The following HRH1 variants were observed in gnomAD, a reference collection of about 807,000 sequenced individuals.
HRH1 encodes the protein histamine H1 receptor.
Under a neutral mutation model 10.3 loss-of-function variants are expected in HRH1, and 6 were observed. The observed-to-expected ratio is 0.58, with a 90% CI of 0.32 to 1.15. HRH1 has a LOEUF of 1.15. HRH1 is among the 50% of genes most tolerant of loss of function. The probability of loss-of-function intolerance (pLI) is 0.05; values close to 1 mark genes in which losing one functional copy is unlikely to be tolerated. For missense variants in HRH1, 514 were observed against 615.3 expected, an observed-to-expected ratio of 0.84 and a Z score of 1.74; for synonymous variants, 242 against 236.7, an observed-to-expected ratio of 1.02 and a Z score of -0.21.
At chr3:11,190,073 A>C (rs1937512869) in intron 1 of HRH1, among the ~76,000 whole-genome samples, 1 of 152,158 alleles carries the variant, frequency 6.6e-6, no homozygotes, top group Non-Finnish European at 1.5e-5. Context: ...GGTGTGTTCT[A>C]GGGTGGCTTT....
intron 1 of HRH1, among the ~76,000 whole-genome samples, chr3:11,183,452 C>T (rs919383670): frequency 6.6e-6 from 1 of 152,100 alleles, no homozygotes; most frequent in African/African-American, 2.4e-5. Context: ...AGGTAGGGGT[C>T]GGGGATGCTC....
At chr3:11,258,026 A>T (rs1041187314) in intron 1 of HRH1, among the ~76,000 whole-genome samples, 4 of 152,170 alleles carry the variant, frequency 2.6e-5, no homozygotes, top group African/African-American at 7.2e-5. Flanking sequence ...TATGTAATTT[A>T]AAAAAATTGT....
chr3:11,224,854 G>A (rs1938831924), intron 1 of HRH1, among the ~76,000 whole-genome samples: 1 of 152,172 alleles, frequency 6.6e-6, no homozygotes, highest in African/African-American at 2.4e-5. Flanking sequence ...CACTTCCAAA[G>A]GTTGCTGTGG....
intron 1 of HRH1, among the ~76,000 whole-genome samples, chr3:11,224,564 G>C (rs1938820152): frequency 6.6e-6 from 1 of 152,304 alleles, no homozygotes; most frequent in Non-Finnish European, 1.5e-5. Flanking sequence ...GCCGAGCATG[G>C]TGGTGGGCAC....
intron 1 of HRH1, among the ~76,000 whole-genome samples, chr3:11,180,246 C>G (rs1247516631): frequency 2.0e-5 from 3 of 152,126 alleles, no homozygotes; most frequent in African/African-American, 7.2e-5. Flanking sequence ...TCACTCTCCA[C>G]TTCCTCCTAC....
intron 1 of HRH1, among the ~76,000 whole-genome samples, chr3:11,139,280 C>CTT (rs575726184): frequency 1.4e-5 from 2 of 143,080 alleles, no homozygotes; most frequent in Admixed American, 7.1e-5. Context: ...AGCCGCCCGC[C>CTT]TTTTTTTTTT....
At chr3:11,239,069 C>G (rs1939265594) in intron 1 of HRH1, among the ~76,000 whole-genome samples, 1 of 152,192 alleles carries the variant, frequency 6.6e-6, no homozygotes, top group South Asian at 2.1e-4. Flanking sequence ...TATGTTTAAC[C>G]ATTTGAAGAA....
At chr3:11,226,788 G>A (rs1043405717) in intron 1 of HRH1, among the ~76,000 whole-genome samples, 23 of 151,876 alleles carry the variant, frequency 1.5e-4, no homozygotes, top group Middle Eastern at 3.4e-3. Context: ...TCAGGAGGCT[G>A]AGGCACGAGA....
intron 1 of HRH1, among the ~76,000 whole-genome samples, chr3:11,161,949 G>T (rs1936934853): frequency 6.6e-6 from 1 of 152,158 alleles, no homozygotes; most frequent in African/African-American, 2.4e-5. Flanking sequence ...AAGACAAAAG[G>T]CAAGACAAGG....
intron 1 of HRH1, among the ~76,000 whole-genome samples, chr3:11,174,638 T>C (rs1232396648): frequency 6.6e-6 from 1 of 152,260 alleles, no homozygotes; most frequent in East Asian, 1.9e-4. Context: ...AAAGTTCATA[T>C]GCCAGTGACA....
chr3:11,241,196 C>G (rs1939327095), intron 1 of HRH1, among the ~76,000 whole-genome samples: 1 of 152,056 alleles, frequency 6.6e-6, no homozygotes, highest in African/African-American at 2.4e-5. Flanking sequence ...CCAGAGAAAA[C>G]CATGGTTGAT....
intron 1 of HRH1, among the ~76,000 whole-genome samples, chr3:11,158,839 AC>A (rs769141343): frequency 6.6e-6 from 1 of 152,224 alleles, no homozygotes; most frequent in Non-Finnish European, 1.5e-5. Flanking sequence ...TTTTGAAAAC[AC>A]CATATACAAT....
Position 11,140,005 on chromosome 3 carries a change from T to A in HRH1, c.-36+2606T>A, listed in dbSNP as rs530832222. ...TGTGAATTTTAGCTCATAAAAAAAA[T>A]TTTTTTTTAAAGAAAAGAAATAGGA... On this transcript the variant is annotated intron_variant, in intron 1 of 1. Transcript: ENST00000438284. 2.5e-4 allele frequency among the ~76,000 whole-genome samples: 38 copies of A among 152,036 alleles called. 1 individual carries two copies. The highest frequency in any genetic ancestry group is 2.3e-3 in the East Asian group (12 of 5,170).
chr3:11,174,581 G>T (rs576169570), intron 1 of HRH1, among the ~76,000 whole-genome samples: 9 of 152,178 alleles, frequency 5.9e-5, no homozygotes, highest in Non-Finnish European at 1.2e-4. Context: ...AGAGAGAACC[G>T]CAAAGGAATG....
chr3:11,170,445 G>C (rs1163006745), intron 1 of HRH1, among the ~76,000 whole-genome samples: 1 of 152,212 alleles, frequency 6.6e-6, no homozygotes, highest in Non-Finnish European at 1.5e-5. Flanking sequence ...CCCCACACTG[G>C]GCAGTGGGAA....
chr3:11,225,942 G>A (rs939393939), intron 1 of HRH1: 3 of 152,300 alleles, frequency 2.0e-5, no homozygotes, highest in Admixed American at 1.3e-4. Flanking sequence ...CCAGAGGGAC[G>A]GATGAATGAC....
chr3:11,141,162 T>C (rs943417205), intron 1 of HRH1, among the ~76,000 whole-genome samples: 4 of 152,128 alleles, frequency 2.6e-5, no homozygotes, highest in Non-Finnish European at 4.4e-5. Flanking sequence ...ATCCTTAAGG[T>C]CAGGGACTCT....
chr3:11,172,622 G>A (rs1202535308), intron 1 of HRH1, among the ~76,000 whole-genome samples: 1 of 151,892 alleles, frequency 6.6e-6, no homozygotes, highest in Non-Finnish European at 1.5e-5. Context: ...CCTGCTAAGG[G>A]ACTCAGGACC....
At chr3:11,210,713 AG>A (rs1390175792) in intron 1 of HRH1, among the ~76,000 whole-genome samples, 2 of 150,988 alleles carry the variant, frequency 1.3e-5, no homozygotes, top group African/African-American at 4.9e-5. Flanking sequence ...GGATTGCTTG[AG>A]CTCGGGAGGC....
Sources: allele counts gnomAD v4.1 joint callset (sites outside exome capture counted in the v4.1 genomes callset), GRCh38; gene constraint gnomAD v4.1.1; transcripts MANE v1.5; gene names NCBI Gene and HGNC (gene_info 2026-07-23, HGNC 2026-07-21).